PDE10A: variants seen among roughly 807,000 people sequenced by gnomAD.
PDE10A encodes the protein cAMP and cAMP-inhibited cGMP 3',5'-cyclic phosphodiesterase 10A.
A neutral mutation model predicts 97.7 loss-of-function variants in PDE10A; 39 were observed. The observed-to-expected ratio is 0.40, with a 90% CI of 0.31 to 0.52. The LOEUF (loss-of-function observed/expected upper bound fraction) is 0.52, where lower values mean the gene tolerates loss of function less well. Ranked by LOEUF, PDE10A falls within the 20% of genes least tolerant of loss-of-function variation. PDE10A has a pLI of 0.56. For missense variants in PDE10A, 731 were observed against 1,047.8 expected (o/e 0.70, Z 4.17); for synonymous variants, 371 against 376.8 (o/e 0.98, Z 0.18).
intron 2 of PDE10A, among the ~76,000 whole-genome samples, chr6:165,502,526 G>C (rs1410888952): frequency 1.3e-5 from 2 of 152,102 alleles, no homozygotes; most frequent in Non-Finnish European, 2.9e-5. Flanking sequence ...TTAGTCATTA[G>C]GAAAATCCAA....
intron 2 of PDE10A, among the ~76,000 whole-genome samples, chr6:165,500,147 C>CT (rs1780779701): frequency 6.6e-6 from 1 of 152,186 alleles, no homozygotes; most frequent in African/African-American, 2.4e-5. Flanking sequence ...TTTCAGTAAA[C>CT]TTTTAAAAAC....
chr6:165,972,611 A>G (rs1381064045), intron 1 of PDE10A, among the ~76,000 whole-genome samples: 2 of 152,186 alleles, frequency 1.3e-5, no homozygotes, highest in African/African-American at 4.8e-5. Context: ...GACAGTGATG[A>G]CAGGAGTCTC....
At chr6:165,505,458 T>A (rs550879402) in intron 2 of PDE10A, among the ~76,000 whole-genome samples, 2 of 152,238 alleles carry the variant, frequency 1.3e-5, no homozygotes, top group East Asian at 1.9e-4. Context: ...CATACACTGA[T>A]CCAACTTTCA....
chr6:165,602,205 C>T (rs828565), intron 1 of PDE10A, among the ~76,000 whole-genome samples: 97,425 of 151,924 alleles, frequency 0.64, 31,532 homozygotes, highest in Middle Eastern at 0.75. Flanking sequence ...AGGTAACAAA[C>T]GGCAGCAACA....
intron 1 of PDE10A, among the ~76,000 whole-genome samples, chr6:165,701,815 G>T (rs1463492188): frequency 6.6e-6 from 1 of 152,056 alleles, no homozygotes; most frequent in Non-Finnish European, 1.5e-5. Flanking sequence ...TTGCATTTGT[G>T]TGTGCATGTG....
At chr6:165,973,418 A>T (rs549390579) in intron 1 of PDE10A, among the ~76,000 whole-genome samples, 70 of 102,556 alleles carry the variant, frequency 6.8e-4, no homozygotes, top group African/African-American at 2.2e-3. Flanking sequence ...CGCCTCAAAA[A>T]AAAAAAAAAT....
chr6:165,404,665 G>T (rs1422925435), intron 13 of PDE10A, among the ~76,000 whole-genome samples: 1 of 151,724 alleles, frequency 6.6e-6, no homozygotes, highest in Non-Finnish European at 1.5e-5. Flanking sequence ...ACAAGTAAAC[G>T]ATGACCTGAA....
intron 2 of PDE10A, among the ~76,000 whole-genome samples, chr6:165,495,939 G>A (rs984731515): frequency 4.6e-5 from 7 of 152,040 alleles, no homozygotes; most frequent in African/African-American, 1.7e-4. Flanking sequence ...CAATAAACTT[G>A]ATAAATAACT....
At chr6:165,450,639 C>A (rs1367518971) in intron 3 of PDE10A, among the ~76,000 whole-genome samples, 2 of 152,084 alleles carry the variant, frequency 1.3e-5, no homozygotes, top group Non-Finnish European at 2.9e-5. Context: ...CAGCTCACTG[C>A]AACCTCCACC....
chr6:165,739,876 T>C (rs565490238), intron 1 of PDE10A, among the ~76,000 whole-genome samples: 1 of 152,322 alleles, frequency 6.6e-6, no homozygotes, highest in South Asian at 2.1e-4. Context: ...TCAACGTCTC[T>C]AATCATCAGG....
chr6:165,452,429 C>A (rs1791364618), intron 3 of PDE10A, among the ~76,000 whole-genome samples: 1 of 152,110 alleles, frequency 6.6e-6, no homozygotes, highest in Admixed American at 6.5e-5. Flanking sequence ...AGAGGTGGGA[C>A]CTTTAAAAGG....
chr6:165,828,525 C>T (rs1312114376), intron 1 of PDE10A, among the ~76,000 whole-genome samples: 4 of 152,192 alleles, frequency 2.6e-5, no homozygotes, highest in African/African-American at 7.2e-5. Context: ...TTCATGTGTA[C>T]TCACATATGT....
At chr6:165,541,210 T>A (rs1562563971) in intron 2 of PDE10A, among the ~76,000 whole-genome samples, 1 of 152,106 alleles carries the variant, frequency 6.6e-6, no homozygotes, top group East Asian at 1.9e-4. Flanking sequence ...TGGCTCTATG[T>A]CTATTCCCAC....
chr6:165,637,409 C>A (rs1200406545), intron 1 of PDE10A, among the ~76,000 whole-genome samples: 1 of 152,168 alleles, frequency 6.6e-6, no homozygotes, highest in Non-Finnish European at 1.5e-5. Flanking sequence ...GCCTAGGTGT[C>A]CTTAACGTGC....
intron 1 of PDE10A, among the ~76,000 whole-genome samples, chr6:165,622,850 GC>G: frequency 6.6e-6 from 1 of 152,334 alleles, no homozygotes; most frequent in Admixed American, 6.5e-5. Flanking sequence ...TGGAGGTGGG[GC>G]CCCGTGGGAG....
chr6:165,380,547 T>C (rs961609740), intron 17 of PDE10A, among the ~76,000 whole-genome samples: 11 of 152,216 alleles, frequency 7.2e-5, no homozygotes, highest in African/African-American at 2.2e-4. Flanking sequence ...CTGACAATAA[T>C]AGTAGTAAGA....
intron 2 of PDE10A, among the ~76,000 whole-genome samples, chr6:165,504,257 T>A (rs988001263): frequency 2.2e-4 from 34 of 152,250 alleles, no homozygotes; most frequent in African/African-American, 7.7e-4. Context: ...GTGGTTAAAG[T>A]GAAATAAATT....
At chr6:165,368,921 G>A (rs951823918) in intron 18 of PDE10A, among the ~76,000 whole-genome samples, 7 of 151,994 alleles carry the variant, frequency 4.6e-5, no homozygotes, top group African/African-American at 1.5e-4. Context: ...CGCGGTTCAC[G>A]AAAATCCACT....
intron 1 of PDE10A, among the ~76,000 whole-genome samples, chr6:165,587,603 T>A (rs1280581935): frequency 6.6e-6 from 1 of 152,194 alleles, no homozygotes; most frequent in Non-Finnish European, 1.5e-5. Flanking sequence ...AGAGACCTAG[T>A]GATTAGCAAA....
Sources: gnomAD v4.1 joint callset for allele counts (sites outside exome capture counted in the v4.1 genomes callset) on GRCh38, gnomAD v4.1.1 for gene constraint, MANE v1.5 for transcripts, NCBI Gene and HGNC (gene_info 2026-07-23, HGNC 2026-07-21) for gene names.